Variants in STPG2 observed in about 807,000 individuals in gnomAD.
The protein encoded by STPG2 is sperm-tail PG-rich repeat-containing protein 2.
In STPG2, 56 loss-of-function variants were observed where a neutral mutation model predicts 54.2. That is an observed-to-expected ratio of 1.03 (90% CI 0.83 to 1.29). The LOEUF is 1.29. Among genes scored for constraint, STPG2 ranks in the 50% most tolerant of loss-of-function variants. The pLI, the probability that STPG2 is intolerant of heterozygous loss-of-function variation, is 0.00. For synonymous variants in STPG2, 200 were observed against 181.8 expected, an observed-to-expected ratio of 1.10 and a Z score of -0.81; for missense variants, 596 against 544.9, an observed-to-expected ratio of 1.09 and a Z score of -0.93.
chr4:97,813,450 T>G (rs1298691875), intron 9 of STPG2, among the ~76,000 whole-genome samples: 1 of 151,902 alleles, frequency 6.6e-6, no homozygotes, highest in Non-Finnish European at 1.5e-5. Context: ...TGCTAGGAGA[T>G]TTAAATCCAT....
chr4:97,952,185 C>A (rs1283618481), intron 7 of STPG2, among the ~76,000 whole-genome samples: 2 of 152,100 alleles, frequency 1.3e-5, no homozygotes, highest in Non-Finnish European at 2.9e-5. Flanking sequence ...GATGCAGTCA[C>A]CCTGAAATGT....
At chr4:97,753,104 C>T (rs1195993043) in intron 9 of STPG2, among the ~76,000 whole-genome samples, 1 of 151,758 alleles carries the variant, frequency 6.6e-6, no homozygotes, top group Non-Finnish European at 1.5e-5. Flanking sequence ...TAATTTTAAC[C>T]ATTTGTAAAT....
At chr4:97,634,151 G>T (rs551785221) in intron 10 of STPG2, among the ~76,000 whole-genome samples, 5 of 152,138 alleles carry the variant, frequency 3.3e-5, no homozygotes, top group Admixed American at 6.5e-5. Flanking sequence ...ATCTGAGAAC[G>T]GGCAGACTGC....
chr4:97,578,756 T>C (rs1282290038), intron 10 of STPG2, among the ~76,000 whole-genome samples: 3 of 152,166 alleles, frequency 2.0e-5, no homozygotes, highest in Non-Finnish European at 2.9e-5. Flanking sequence ...TTCCAGTAAA[T>C]ATTAACTAAA....
At chr4:97,728,083 A>T (rs1437589868) in intron 9 of STPG2, among the ~76,000 whole-genome samples, 3 of 152,056 alleles carry the variant, frequency 2.0e-5, no homozygotes, top group Admixed American at 2.0e-4. Flanking sequence ...TCAGTTCAGC[A>T]TGTAATAACT....
intron 9 of STPG2, among the ~76,000 whole-genome samples, chr4:97,777,830 T>C (rs1726430108): frequency 6.6e-6 from 1 of 152,216 alleles, no homozygotes; most frequent in Non-Finnish European, 1.5e-5. Context: ...GGATTAACCA[T>C]TCTACTTTAT....
At chr4:97,689,918 T>C (rs925990192) in intron 10 of STPG2, among the ~76,000 whole-genome samples, 56 of 152,188 alleles carry the variant, frequency 3.7e-4, no homozygotes, top group Admixed American at 2.5e-3. Context: ...TAATTTTATG[T>C]TGCATAAAAT....
At chr4:97,754,087 A>AT (rs1374993819) in intron 9 of STPG2, among the ~76,000 whole-genome samples, 2 of 152,018 alleles carry the variant, frequency 1.3e-5, no homozygotes, top group African/African-American at 2.4e-5. Context: ...ATAATTTTAT[A>AT]TTTTTTAACT....
At chr4:97,493,967 C>T (rs546094739) in intron 4 of STPG2, among the ~76,000 whole-genome samples, 1 of 151,466 alleles carries the variant, frequency 6.6e-6, no homozygotes, top group East Asian at 2.0e-4. Flanking sequence ...AACAAGGTGC[C>T]CTACATTTTA....
chr4:97,546,798 A>C (rs1207198066), intron 4 of STPG2, among the ~76,000 whole-genome samples: 1 of 152,236 alleles, frequency 6.6e-6, no homozygotes, highest in Non-Finnish European at 1.5e-5. Flanking sequence ...TATGCCAATA[A>C]CTGCTAGATA....
chr4:97,881,325 T>A (rs907953790), intron 8 of STPG2, among the ~76,000 whole-genome samples: 3 of 152,144 alleles, frequency 2.0e-5, no homozygotes, highest in African/African-American at 7.2e-5. Context: ...TTTTCTCATC[T>A]CTAAAAGGTA....
rs867579343 is a variant in STPG2 at position 97,638,907 on chromosome 4, C to G, written c.1320+73792G>C. ...TTTACACTGTTGGTGGGACTGTAAA[C>G]TAGTTCAACCATTGTGGAAGTCAGT... On this transcript the variant is annotated intron_variant, in intron 10 of 10. Transcript: ENST00000295268. 3.7e-3 allele frequency among the ~76,000 whole-genome samples: 534 copies of G among 144,008 alleles called. 2 individuals are homozygous for G. The highest frequency in any genetic ancestry group is 0.018 in the Middle Eastern group (5 of 278). 94.5% of individuals were successfully genotyped at this position (144,008 alleles called of 152,430 possible). A position where few individuals can be genotyped will look rare whatever the true frequency, so the allele number is the denominator to read the frequency against.
intron 5 of STPG2, among the ~76,000 whole-genome samples, chr4:98,049,397 C>G (rs999709173): frequency 3.3e-5 from 5 of 152,094 alleles, no homozygotes; most frequent in Non-Finnish European, 7.4e-5. Flanking sequence ...TTTTATTATA[C>G]CAGAAAGCAA....
chr4:97,763,115 G>A (rs1336397201), intron 9 of STPG2, among the ~76,000 whole-genome samples: 4 of 152,118 alleles, frequency 2.6e-5, no homozygotes, highest in African/African-American at 9.7e-5. Flanking sequence ...TACTATGTTT[G>A]TGTTCAATTG....
At chr4:97,629,797 A>G (rs958595277) in intron 10 of STPG2, among the ~76,000 whole-genome samples, 5 of 151,992 alleles carry the variant, frequency 3.3e-5, no homozygotes, top group African/African-American at 4.8e-5. Flanking sequence ...AAGTAGGATT[A>G]GAAATTAGGA....
At chr4:97,958,814 T>C (rs1317799292) in intron 7 of STPG2, among the ~76,000 whole-genome samples, 1 of 152,140 alleles carries the variant, frequency 6.6e-6, no homozygotes, top group East Asian at 1.9e-4. Flanking sequence ...AGACAGGTCA[T>C]CAAGACAGAA....
intron 1 of STPG2, among the ~76,000 whole-genome samples, chr4:98,140,306 AAAC>A (rs1287946508): frequency 6.6e-6 from 1 of 152,188 alleles, no homozygotes; most frequent in Non-Finnish European, 1.5e-5. Context: ...AGAACATTAT[AAAC>A]AACATTAAGG....
At chr4:97,449,911 A>G (rs2148797050) in intron 4 of STPG2, among the ~76,000 whole-genome samples, 1 of 152,298 alleles carries the variant, frequency 6.6e-6, no homozygotes, top group East Asian at 1.9e-4. Context: ...GCATAAACAA[A>G]CAGAAACACA....
chr4:98,053,439 A>G (rs1035770098), intron 5 of STPG2, among the ~76,000 whole-genome samples: 15 of 152,264 alleles, frequency 9.9e-5, no homozygotes, highest in Non-Finnish European at 1.9e-4. Flanking sequence ...TGGATTCTAT[A>G]GACACTTCCA....
Sources: gnomAD v4.1 joint callset for allele counts (sites outside exome capture counted in the v4.1 genomes callset) on GRCh38, gnomAD v4.1.1 for gene constraint, MANE v1.5 for transcripts, NCBI Gene and HGNC (gene_info 2026-07-23, HGNC 2026-07-21) for gene names.